The following HIP1 variants were observed in gnomAD, a reference collection of about 807,000 sequenced individuals.
HIP1 encodes the protein huntingtin interacting protein 1.
HIP1 carries 65 observed loss-of-function variants against 147.6 expected under a neutral mutation model. The ratio of observed to expected loss-of-function variants is 0.44; its 90% CI spans 0.36 to 0.54. HIP1 has a LOEUF of 0.54. HIP1 is among the 20% of genes least tolerant of loss of function. The pLI is 0.00. For missense variants in HIP1, 1,061 were observed against 1,299.6 expected, an observed-to-expected ratio of 0.82 and a Z score of 2.82; for synonymous variants, 479 against 504.0, an observed-to-expected ratio of 0.95 and a Z score of 0.67.
At chr7:75,594,557 C>T (rs187967379) in intron 2 of HIP1, among the ~76,000 whole-genome samples, 75 of 152,154 alleles carry the variant, frequency 4.9e-4, no homozygotes, top group African/African-American at 1.6e-3. Flanking sequence ...GGGCAGATCA[C>T]GAGGTCAGGA....
At chr7:75,668,283 C>G (rs1000619020) in intron 1 of HIP1, among the ~76,000 whole-genome samples, 2 of 152,188 alleles carry the variant, frequency 1.3e-5, no homozygotes, top group African/African-American at 4.8e-5. Flanking sequence ...AGAACAGCCT[C>G]TCTATAGGAT....
chr7:75,555,498 G>A lies in HIP1; in HGVS notation c.1881C>T (p.Ser627=). Reference sequence around the variant, plus strand: ...GTATCACCTGCTCCGCAGCCTTCCTGGACCCCACCAGAAGCATTTTTCGTT... The same window carrying A: ...GTATCACCTGCTCCGCAGCCTTCCTAGACCCCACCAGAAGCATTTTTCGTT... The part of the protein sequence containing the change: ...KDQRKMLLVG[S]RKAAEQVIQD... The change falls in exon 19 of 31, where the codon TCC becomes TCT. Residue 627 remains serine (S), a synonymous_variant. Coordinates refer to ENST00000336926, the MANE Select transcript of HIP1 (RefSeq NM_005338.7). The A allele has an allele frequency of 6.2e-7, 1 of 1,614,182 alleles. No individual in the cohort carries two copies. Among genetic ancestry groups the A allele is most frequent in the East Asian group, 2.2e-5 (1 of 44,878 alleles).
At chr7:75,663,239 T>A (rs954165718) in intron 1 of HIP1, among the ~76,000 whole-genome samples, 3 of 152,162 alleles carry the variant, frequency 2.0e-5, no homozygotes. Context: ...CCGGACAGCG[T>A]CTTTGCTCTC....
At chr7:75,709,426 C>T (rs201010555) in intron 1 of HIP1, among the ~76,000 whole-genome samples, 1 of 152,098 alleles carries the variant, frequency 6.6e-6, no homozygotes, top group Admixed American at 6.6e-5. Flanking sequence ...GTATTTTATT[C>T]TTTTTGGTGC....
intron 28 of HIP1, 145 bp from the exon 29 acceptor site, chr7:75,542,125 C>T (rs1369647849): frequency 2.9e-5 from 20 of 686,276 alleles, no homozygotes; most frequent in South Asian, 9.6e-5. Flanking sequence ...GGCCAGACAA[C>T]GGTGGCTCAC....
intron 17 of HIP1, 35 bp from the exon 18 acceptor site, chr7:75,556,204 T>C: frequency 6.2e-7 from 1 of 1,609,268 alleles, no homozygotes; most frequent in Non-Finnish European, 8.5e-7. Context: ...AGGGAGACGC[T>C]GGTTGAGTTA....
chr7:75,676,141 T>A (rs1362160312), intron 1 of HIP1, among the ~76,000 whole-genome samples: 1 of 152,240 alleles, frequency 6.6e-6, no homozygotes, highest in African/African-American at 2.4e-5. Flanking sequence ...GTTTGTTTAG[T>A]GACTTTCCTC....
chr7:75,695,497 C>T (rs555831777), intron 1 of HIP1, among the ~76,000 whole-genome samples: 2 of 152,322 alleles, frequency 1.3e-5, no homozygotes, highest in South Asian at 4.1e-4. Flanking sequence ...CTCTCCACTG[C>T]TCCAACCCAA....
At chr7:75,610,549 C>T (rs1400418581) in intron 1 of HIP1, among the ~76,000 whole-genome samples, 1 of 151,026 alleles carries the variant, frequency 6.6e-6, no homozygotes, top group Non-Finnish European at 1.5e-5. Flanking sequence ...TCTCTTAATA[C>T]GTTTGACACT....
chr7:75,704,977 T>C (rs1800944533), intron 1 of HIP1, among the ~76,000 whole-genome samples: 1 of 152,208 alleles, frequency 6.6e-6, no homozygotes, highest in Non-Finnish European at 1.5e-5. Flanking sequence ...TAAGTACAAA[T>C]GCGTTTTACT....
intron 1 of HIP1, among the ~76,000 whole-genome samples, chr7:75,685,900 T>C (rs1208057261): frequency 6.6e-6 from 1 of 151,462 alleles, no homozygotes; most frequent in African/African-American, 2.4e-5. Flanking sequence ...CCTTTTTTTG[T>C]TGTTGTTGTT....
chr7:75,654,259 G>A (rs1347966656), intron 1 of HIP1, among the ~76,000 whole-genome samples: 1 of 152,138 alleles, frequency 6.6e-6, no homozygotes, highest in Non-Finnish European at 1.5e-5. Context: ...GCTGGGCATG[G>A]TGGCGCACGC....
At chr7:75,736,912 G>T (rs1269384667) in intron 1 of HIP1, among the ~76,000 whole-genome samples, 4 of 151,604 alleles carry the variant, frequency 2.6e-5, no homozygotes, top group Non-Finnish European at 5.9e-5. Flanking sequence ...CCTGCGCGCG[G>T]TTTTCTTTCT....
chr7:75,676,486 GC>G (rs1309312851), intron 1 of HIP1, among the ~76,000 whole-genome samples: 1 of 152,044 alleles, frequency 6.6e-6, no homozygotes, highest in Non-Finnish European at 1.5e-5. Context: ...GCTTATAGAA[GC>G]CCCCTATGGC....
chr7:75,729,922 A>G (rs1554522804), intron 1 of HIP1, among the ~76,000 whole-genome samples: 1 of 152,188 alleles, frequency 6.6e-6, no homozygotes, highest in African/African-American at 2.4e-5. Context: ...GAAATGCAAG[A>G]TTCACAGGAT....
At chr7:75,714,132 C>T (rs1801245353) in intron 1 of HIP1, among the ~76,000 whole-genome samples, 1 of 151,762 alleles carries the variant, frequency 6.6e-6, no homozygotes, top group Non-Finnish European at 1.5e-5. Flanking sequence ...CTCTGCCTCC[C>T]GGGTTTAAGT....
At chr7:75,666,703 T>C (rs1554514667) in intron 1 of HIP1, among the ~76,000 whole-genome samples, 2 of 152,076 alleles carry the variant, frequency 1.3e-5, no homozygotes, top group East Asian at 3.8e-4. Context: ...ACGCTGCTTG[T>C]CCAATGGGAG....
Position 75,562,923 on chromosome 7 carries a change from A to T in HIP1, c.1020+12T>A. 1 of 1,613,974 alleles carries T rather than the reference A, an allele frequency of 6.2e-7. No individual in the cohort carries two copies. The highest frequency in any genetic ancestry group is 1.3e-5 in the African/African-American group (1 of 75,044). ...GAGGAAAGGCCAAGTTTCTCTCCCAAGTGGTCCTCACCTGCTGAGAGGCAT... is the reference window on the plus strand; with the variant it reads ...GAGGAAAGGCCAAGTTTCTCTCCCATGTGGTCCTCACCTGCTGAGAGGCAT... On this transcript the variant is annotated intron_variant, in intron 11 of 30. Coordinates refer to ENST00000336926, the MANE Select transcript of HIP1 (RefSeq NM_005338.7).
Position 75,696,951 on chromosome 7 carries a change from T to TC in HIP1, c.120+41849dup, listed in dbSNP as rs112393765. On this transcript the variant is annotated intron_variant, in intron 1 of 30. Transcript: ENST00000336926. The stretch of plus-strand genomic sequence containing the variant: ...TGAGTGCTTTACAACTCACAGGTCC[T>TC]CCCCCCATCCCAAAATGCTTCCTTC... Among the ~76,000 whole-genome samples the TC allele has an allele frequency of 2.6e-5, 4 of 151,256 alleles. No individual in the cohort carries two copies. The South Asian group carries it at 8.4e-4, about 32-fold the overall frequency.
Sources: gnomAD v4.1 joint callset for allele counts (sites outside exome capture counted in the v4.1 genomes callset) on GRCh38, gnomAD v4.1.1 for gene constraint, MANE v1.5 for transcripts, NCBI Gene and HGNC (gene_info 2026-07-23, HGNC 2026-07-21) for gene names.